The following SNAP91 variants were observed in gnomAD, a reference collection of about 807,000 sequenced individuals.
SNAP91 encodes synaptosome associated protein 91, also known as clathrin coat assembly protein AP180.
A neutral mutation model predicts 100.3 loss-of-function variants in SNAP91; 27 were observed. That is an observed-to-expected ratio of 0.27 (90% CI 0.20 to 0.37). SNAP91 has a LOEUF of 0.37. Ranked by LOEUF, SNAP91 falls within the 10% of genes least tolerant of loss-of-function variation. The probability of loss-of-function intolerance (pLI) is 1.00; values close to 1 mark genes in which losing one functional copy is unlikely to be tolerated. For synonymous variants in SNAP91, 404 were observed against 398.6 expected (o/e 1.01, Z -0.16); for missense variants, 986 against 1,123.7 (o/e 0.88, Z 1.75).
chr6:83,559,834 C>T (rs964910356), intron 28 of SNAP91, among the ~76,000 whole-genome samples: 8 of 152,108 alleles, frequency 5.3e-5, no homozygotes, highest in Admixed American at 4.6e-4. Flanking sequence ...GGACACATGC[C>T]TTGGATGCCC....
chr6:83,632,710 A>AGT (rs1453094306), intron 8 of SNAP91, among the ~76,000 whole-genome samples: 1 of 152,116 alleles, frequency 6.6e-6, no homozygotes, highest in Non-Finnish European at 1.5e-5. Flanking sequence ...CATTTCTATA[A>AGT]GTGTGTCCAT....
intron 2 of SNAP91, among the ~76,000 whole-genome samples, chr6:83,693,450 T>TA (rs2099157246): frequency 6.6e-6 from 1 of 152,148 alleles, no homozygotes; most frequent in Non-Finnish European, 1.5e-5. Context: ...AACAATTGAA[T>TA]AAAAAATTAT....
At chr6:83,691,547 T>G (rs2099130328) in intron 2 of SNAP91, among the ~76,000 whole-genome samples, 1 of 152,180 alleles carries the variant, frequency 6.6e-6, no homozygotes, top group African/African-American at 2.4e-5. Flanking sequence ...ATTTTACAAA[T>G]TGTTCCTCAA....
intron 8 of SNAP91, among the ~76,000 whole-genome samples, chr6:83,640,386 A>G (rs925354758): frequency 2.0e-5 from 3 of 152,152 alleles, no homozygotes; most frequent in Non-Finnish European, 4.4e-5. Context: ...CAACATTCCA[A>G]TCAGTTCCTA....
intron 8 of SNAP91, among the ~76,000 whole-genome samples, chr6:83,638,875 T>C (rs217327): frequency 0.51 from 77,053 of 151,984 alleles, 20,579 homozygotes; most frequent in African/African-American, 0.69. Context: ...TACCTTAGAA[T>C]AGAAAACTAA....
At chr6:83,690,507 C>A (rs1489848838) in intron 2 of SNAP91, 4 of 871,508 alleles carry the variant, frequency 4.6e-6, no homozygotes, top group Non-Finnish European at 6.4e-6. Flanking sequence ...GCAACAGATA[C>A]ATTGAACAAG....
chr6:83,632,951 A>G (rs2097270657), intron 8 of SNAP91, among the ~76,000 whole-genome samples: 1 of 152,110 alleles, frequency 6.6e-6, no homozygotes, highest in South Asian at 2.1e-4. Context: ...GGAGGATTTA[A>G]AGAACCTTAT....
At chr6:83,583,212 A>G (rs2128134745) in intron 22 of SNAP91, among the ~76,000 whole-genome samples, 1 of 152,008 alleles carries the variant, frequency 6.6e-6, no homozygotes, top group East Asian at 1.9e-4. Context: ...ATCCCCATAT[A>G]CATGCCGAGT....
intron 26 of SNAP91, among the ~76,000 whole-genome samples, chr6:83,567,239 A>G (rs923718024): frequency 6.6e-6 from 1 of 152,228 alleles, no homozygotes; most frequent in Non-Finnish European, 1.5e-5. Flanking sequence ...CAACTTTGTT[A>G]AATTTATTTT....
At chr6:83,690,275 T>C (rs745766254) in intron 2 of SNAP91, 4 of 1,178,792 alleles carry the variant, frequency 3.4e-6, no homozygotes, top group Non-Finnish European at 4.3e-6. Flanking sequence ...AATACTGTGA[T>C]CCAAAACAAA....
intron 8 of SNAP91, among the ~76,000 whole-genome samples, chr6:83,633,205 G>A (rs973029839): frequency 2.6e-5 from 4 of 152,152 alleles, no homozygotes; most frequent in Admixed American, 2.0e-4. Flanking sequence ...TGGTACTGGG[G>A]GGTTGTCTCA....
chr6:83,643,990 T>C (rs751930864), intron 7 of SNAP91, among the ~76,000 whole-genome samples: 1 of 152,208 alleles, frequency 6.6e-6, no homozygotes, highest in Non-Finnish European at 1.5e-5. Context: ...TGTTAAGAAA[T>C]TTGAAAATAA....
intron 24 of SNAP91, among the ~76,000 whole-genome samples, chr6:83,577,458 G>A (rs1163356734): frequency 6.6e-6 from 1 of 152,114 alleles, no homozygotes; most frequent in Non-Finnish European, 1.5e-5. Context: ...ATTTATGCCT[G>A]TTCATGTGAA....
chr6:83,630,009 T>C (rs954158473), intron 8 of SNAP91, among the ~76,000 whole-genome samples: 1 of 152,118 alleles, frequency 6.6e-6, no homozygotes, highest in African/African-American at 2.4e-5. Context: ...GCTTTTATTA[T>C]ATTGATGTAC....
At chr6:83,585,047 C>A (rs1221410667) in intron 22 of SNAP91, among the ~76,000 whole-genome samples, 1 of 151,914 alleles carries the variant, frequency 6.6e-6, no homozygotes, top group Non-Finnish European at 1.5e-5. Flanking sequence ...CTGATTATCT[C>A]AAAAAAATAA....
rs1826574625 is a variant in SNAP91 at position 83,580,488 on chromosome 6, C to T, written c.2261G>A (p.Gly754Glu). ...SPAMAASKAL[G>E]SDLDSSLASL... ...GGCAAGAGATGAATCAAGATCACTT[C>T]CAAGGGCTTTGCTGGCTGCCATTGC... is the stretch of plus-strand genomic sequence containing the variant. Residue 754 changes from glycine to glutamate, a missense_variant, in exon 24 of 30, where the codon GGA (glycine) becomes GAA (glutamate). Gly to Glu is a moderately conservative substitution (Grantham distance 98). This residue lies in a region of SNAP91 where 575 missense variants were observed against 579.9 expected (regional missense o/e 0.99). Coordinates refer to ENST00000369694, the MANE Select transcript of SNAP91 (RefSeq NM_001242792.2). 1 of 1,613,350 alleles carries T rather than the reference C, an allele frequency of 6.2e-7. No homozygotes were observed. Among genetic ancestry groups the T allele is most frequent in the Non-Finnish European group, 8.5e-7 (1 of 1,179,760 alleles).
chr6:83,623,410 C>G, intron 8 of SNAP91, 68 bp from the exon 9 acceptor site: 1 of 1,112,432 alleles, frequency 9.0e-7, no homozygotes, highest in Non-Finnish European at 1.3e-6. Flanking sequence ...AATGGAAGAT[C>G]ACCTACACAA....
rs766101597 is a variant in SNAP91, at chr6:83,607,716, A to T, written c.1005T>A (p.Ser335=). Residue 335 remains serine (S), a synonymous_variant, in exon 13 of 30, where the codon TCT becomes TCA. Transcript: ENST00000369694. ...SPPVDLFATA[S]AAVPVSTSKP... is the part of the protein sequence containing the mutation. ...TTACCAACCTGACTGGGACAGCCGC[A>T]GATGCAGTTGCAAATAAATCAACCG... The T allele has an allele frequency of 1.3e-6, 2 of 1,582,150 alleles. No individual in the cohort carries two copies. The highest frequency in any genetic ancestry group is 1.3e-5 in the African/African-American group (1 of 74,364).
chr6:83,620,698 T>C (rs1248478082), intron 9 of SNAP91, among the ~76,000 whole-genome samples: 2 of 151,470 alleles, frequency 1.3e-5, no homozygotes, highest in African/African-American at 2.4e-5. Context: ...AATTTTTCTA[T>C]GAACAGGTTT....
Sources: gnomAD v4.1 joint callset for allele counts (sites outside exome capture counted in the v4.1 genomes callset) on GRCh38, gnomAD v4.1.1 for gene constraint, gnomAD v4.1.1 regional missense constraint, MANE v1.5 for transcripts, NCBI Gene and HGNC (gene_info 2026-07-23, HGNC 2026-07-21) for gene names.